ELL2: variants seen among roughly 807,000 people sequenced by gnomAD.
ELL2 encodes the protein RNA polymerase II elongation factor ELL2.
Under a neutral mutation model 72.8 loss-of-function variants are expected in ELL2, and 21 were observed. That is an observed-to-expected ratio of 0.29 (90% CI 0.20 to 0.42). The LOEUF is 0.42. Ranked by LOEUF, ELL2 falls within the 10% of genes least tolerant of loss-of-function variation. The pLI, the probability that ELL2 is intolerant of heterozygous loss-of-function variation, is 1.00. For synonymous variants in ELL2, 266 were observed against 283.2 expected, an observed-to-expected ratio of 0.94 and a Z score of 0.61; for missense variants, 568 against 772.8, an observed-to-expected ratio of 0.73 and a Z score of 3.14.
At position 95,888,665 on chromosome 5, in the gene ELL2, G is replaced by T. The variant is rs1415225543; in HGVS notation, c.*206C>A. ...TTTCTATTAACAAACACAAGTCTTG[G>T]GGGTGGGGTGGTGGGGAGGACCAGA... On this transcript the variant is annotated 3_prime_UTR_variant, in exon 12 of 12. Coordinates refer to ENST00000237853, the MANE Select transcript of ELL2 (RefSeq NM_012081.6). 4 of 387,960 alleles carry T rather than the reference G, an allele frequency of 1.0e-5. No individual in the cohort carries two copies. The highest frequency in any genetic ancestry group is 1.8e-5 in the Non-Finnish European group (4 of 220,424). The allele number at this position is 387,960 out of a possible 1,614,324, so 24.0% of individuals were successfully genotyped here.
chr5:95,915,865 C>T (rs1162710945), intron 3 of ELL2, among the ~76,000 whole-genome samples: 2 of 152,072 alleles, frequency 1.3e-5, no homozygotes, highest in African/African-American at 4.8e-5. Flanking sequence ...ATGAGAAATA[C>T]ATCACAAAGG....
In ELL2 at chr5:95,898,461, A is replaced by G; in HGVS notation, c.1304T>C (p.Leu435Pro). The change falls in exon 8 of 12, where the codon CTG (leucine) becomes CCG (proline). Residue 435 changes from leucine (L) to proline (P), a missense_variant. Leu to Pro is a moderately conservative substitution (Grantham distance 98). Transcript: ENST00000237853. ...AACGGAACCAGGGGGTAAGGTTTCC[A>G]GAGAAGTCCTAGAGGTATATTTGTC... ...QQDKYTSRTS[L>P]ETLPPGSVLL... 1.2e-6 allele frequency: 2 copies of G among 1,613,878 alleles called. No individual in the cohort carries two copies. Among genetic ancestry groups the G allele is most frequent in the South Asian group, 1.1e-5 (1 of 91,056 alleles).
At chr5:95,954,417 T>G (rs1327431103) in intron 1 of ELL2, among the ~76,000 whole-genome samples, 6 of 147,418 alleles carry the variant, frequency 4.1e-5, no homozygotes, top group Admixed American at 6.7e-5. Flanking sequence ...TTTTTTTTTT[T>G]TTTTTTTAAG....
chr5:95,906,899 C>T, intron 4 of ELL2, 117 bp from the exon 5 acceptor site: 1 of 1,071,452 alleles, frequency 9.3e-7, no homozygotes, highest in Non-Finnish European at 1.3e-6. Flanking sequence ...ATAATAAAGG[C>T]CACTTTATTT....
chr5:95,907,504 T>C (rs1749420939), intron 4 of ELL2, among the ~76,000 whole-genome samples: 4 of 151,968 alleles, frequency 2.6e-5, no homozygotes, highest in Admixed American at 2.0e-4. Flanking sequence ...GGTTAACCCA[T>C]TTGCTGTTTA....
At position 95,922,223 on chromosome 5, in the gene ELL2, C is replaced by T. The variant is rs558894327; in HGVS notation, c.196-2678G>A. On this transcript the variant is annotated intron_variant, in intron 2 of 11. Coordinates refer to ENST00000237853, the MANE Select transcript of ELL2 (RefSeq NM_012081.6). ...GACTACAGGCACCCGCCACCACGCC[C>T]GGCTAATTTTTTGTATTTTTAGTAG... 2.7e-3 allele frequency among the ~76,000 whole-genome samples: 418 copies of T among 152,234 alleles called. 1 individual carries two copies. The highest frequency in any genetic ancestry group is 9.6e-3 in the African/African-American group (397 of 41,544).
chr5:95,961,504 C>G lies in ELL2; in HGVS notation c.147+71G>C, dbSNP rs1400306340. ...CAGCCACGGCTCCGCCGGCCCCGCA[C>G]CCGGGCGCGGCCAGGCCGTGAGGGG... On this transcript the variant is annotated intron_variant, in intron 1 of 11. Transcript: ENST00000237853. 12 of 1,372,472 alleles carry G rather than the reference C, an allele frequency of 8.7e-6. No individual in the cohort carries two copies. In the East Asian group the frequency reaches 2.8e-4, roughly 32 times the overall value. The allele number at this position is 1,372,472 out of a possible 1,614,324, so 85.0% of individuals were successfully genotyped here.
chr5:95,890,889 C>T, intron 10 of ELL2: 1 of 578,330 alleles, frequency 1.7e-6, no homozygotes. Flanking sequence ...ATTATAGTGG[C>T]ACAAGGTTTT....
chr5:95,953,301 G>A (rs867607055), intron 1 of ELL2, among the ~76,000 whole-genome samples: 2 of 152,122 alleles, frequency 1.3e-5, no homozygotes, highest in Admixed American at 6.5e-5. Flanking sequence ...GTGAACAAAC[G>A]AATATTTGGT....
intron 4 of ELL2, among the ~76,000 whole-genome samples, chr5:95,909,590 TTTA>T (rs1749503191): frequency 6.6e-6 from 1 of 152,152 alleles, no homozygotes; most frequent in Non-Finnish European, 1.5e-5. Context: ...GAAGAAAGGA[TTTA>T]TTTTTTATAT....
intron 2 of ELL2, among the ~76,000 whole-genome samples, chr5:95,926,030 G>A (rs1273064164): frequency 6.6e-6 from 1 of 152,134 alleles, no homozygotes; most frequent in Non-Finnish European, 1.5e-5. Context: ...ATATTTGCAT[G>A]TACTATTCAG....
intron 2 of ELL2, among the ~76,000 whole-genome samples, chr5:95,920,838 A>C (rs1046983267): frequency 6.6e-6 from 1 of 152,244 alleles, no homozygotes; most frequent in Admixed American, 6.5e-5. Context: ...TTAGTAATTT[A>C]GCAGACAAGT....
chr5:95,920,378 T>C (rs1400867332), intron 2 of ELL2, among the ~76,000 whole-genome samples: 2 of 151,804 alleles, frequency 1.3e-5, no homozygotes, highest in Non-Finnish European at 2.9e-5. Flanking sequence ...TGGCGCGATC[T>C]TGGCTCACTG....
Position 95,961,739 on chromosome 5 carries a change from G to T in ELL2, c.-18C>A, listed in dbSNP as rs1187869441. 1.3e-6 allele frequency: 2 copies of T among 1,538,228 alleles called. No homozygotes were observed. The highest frequency in any genetic ancestry group is 1.2e-5 in the South Asian group (1 of 81,898). ...GCCGCCATCTTAAACTCCCCGGGGT[G>T]CCGCCGCCGCCGCCGCTCCGGCTCT... is the stretch of plus-strand genomic sequence containing the variant. On this transcript the variant is annotated 5_prime_UTR_variant, in exon 1 of 12. Coordinates refer to ENST00000237853, the MANE Select transcript of ELL2 (RefSeq NM_012081.6).
chr5:95,941,200 C>T (rs2112346181), intron 2 of ELL2, among the ~76,000 whole-genome samples: 1 of 152,276 alleles, frequency 6.6e-6, no homozygotes, highest in East Asian at 1.9e-4. Context: ...AAAATTCAAA[C>T]ACCCATTAAG....
At chr5:95,941,461 C>A (rs981009678) in intron 2 of ELL2, among the ~76,000 whole-genome samples, 6 of 152,108 alleles carry the variant, frequency 3.9e-5, no homozygotes, top group Admixed American at 3.9e-4. Context: ...TAGAGAAAAC[C>A]ATACTCCCTC....
At chr5:95,938,723 T>C (rs1750866025) in intron 2 of ELL2, among the ~76,000 whole-genome samples, 2 of 152,110 alleles carry the variant, frequency 1.3e-5, no homozygotes, top group African/African-American at 4.8e-5. Context: ...TCTCAAAAAA[T>C]AATTATTATT....
At chr5:95,907,296 A>ATATATATATATATATTTTT in intron 4 of ELL2, among the ~76,000 whole-genome samples, 1 of 116,522 alleles carries the variant, frequency 8.6e-6, no homozygotes, top group African/African-American at 4.1e-5. Flanking sequence ...ATATATATAT[A>ATATATATATATATATTTTT]TTTTTTTTTT....
chr5:95,956,669 A>G (rs1751639320), intron 1 of ELL2, among the ~76,000 whole-genome samples: 1 of 152,202 alleles, frequency 6.6e-6, no homozygotes, highest in South Asian at 2.1e-4. Context: ...ACTATAATGA[A>G]TCAAATGCTA....
Sources: gnomAD v4.1 joint callset for allele counts (sites outside exome capture counted in the v4.1 genomes callset) on GRCh38, gnomAD v4.1.1 for gene constraint, MANE v1.5 for transcripts, NCBI Gene and HGNC (gene_info 2026-07-23, HGNC 2026-07-21) for gene names.